The following ASPRV1 variants were observed in gnomAD, a reference collection of about 807,000 sequenced individuals.
ASPRV1 encodes the protein aspartic peptidase retroviral like 1.
In ASPRV1, 7 loss-of-function variants were observed where a neutral mutation model predicts 11.0. That is an observed-to-expected ratio of 0.64 (90% CI 0.36 to 1.20). ASPRV1 has a LOEUF of 1.20. ASPRV1 is among the 50% of genes most tolerant of loss of function. The pLI is 0.02. For missense variants in ASPRV1, 299 were observed against 320.0 expected, an observed-to-expected ratio of 0.93 and a Z score of 0.50; for synonymous variants, 136 against 138.4, an observed-to-expected ratio of 0.98 and a Z score of 0.12.
chr2:69,952,371 T>C, the ASPRV1 span, among the ~76,000 whole-genome samples: 1 of 152,004 alleles, frequency 6.6e-6, no homozygotes, highest in Non-Finnish European at 1.5e-5. Flanking sequence ...TTAGGCATGG[T>C]GGCCCACATC....
chr2:69,998,875 T>C, the ASPRV1 span, among the ~76,000 whole-genome samples: 1 of 152,112 alleles, frequency 6.6e-6, no homozygotes, highest in Non-Finnish European at 1.5e-5. Context: ...CGGGCATGAC[T>C]GACAGGAAAC....
At chr2:70,040,604 G>A in the ASPRV1 span, among the ~76,000 whole-genome samples, 3 of 152,146 alleles carry the variant, frequency 2.0e-5, no homozygotes, top group Non-Finnish European at 4.4e-5. Flanking sequence ...GGGAGGCCGA[G>A]GCAGGTGGAT....
At chr2:69,945,989 A>G in the ASPRV1 span, among the ~76,000 whole-genome samples, 2 of 143,346 alleles carry the variant, frequency 1.4e-5, no homozygotes, top group Non-Finnish European at 1.6e-5. Context: ...GGAGGGCCTT[A>G]GGGATAGGGG....
At chr2:70,065,348 G>C in the ASPRV1 span, among the ~76,000 whole-genome samples, 1 of 124,540 alleles carries the variant, frequency 8.0e-6, no homozygotes, top group Non-Finnish European at 1.6e-5. Context: ...CCGAGATGGC[G>C]CTACTACACT....
chr2:70,043,905 T>C, the ASPRV1 span, among the ~76,000 whole-genome samples: 35 of 152,284 alleles, frequency 2.3e-4, no homozygotes, highest in Middle Eastern at 6.8e-3. Flanking sequence ...TTTGGGGTCA[T>C]GGGCCTCCAT....
the ASPRV1 span, chr2:70,049,219 T>C: frequency 3.2e-5 from 4 of 125,006 alleles, no homozygotes; most frequent in Non-Finnish European, 4.8e-5. Flanking sequence ...ATCACTTTCA[T>C]AGGTTCTGGG....
Position 69,961,438 on chromosome 2 carries a change from C to T in ASPRV1, c.-2G>A, listed in dbSNP as rs1250047530. 6.2e-7 allele frequency: 1 copy of T among 1,614,006 alleles called. No homozygotes were observed. The highest frequency in any genetic ancestry group is 1.3e-5 in the African/African-American group (1 of 74,948). On this transcript the variant is annotated 5_prime_UTR_variant, in exon 1 of 1. Coordinates refer to ENST00000320256, the MANE Select transcript of ASPRV1 (RefSeq NM_152792.4). ...ACTCCTGGCTCCGCTCCCGGCCATC[C>T]TGCTGCTCTCCTCTGGAACCTCAGC...
the ASPRV1 span, chr2:70,056,382 G>C: frequency 6.6e-6 from 1 of 151,986 alleles, no homozygotes; most frequent in Non-Finnish European, 1.5e-5. Flanking sequence ...GAGGCGGGCG[G>C]ATCACGAGGT....
chr2:69,936,136 G>A, the ASPRV1 span, among the ~76,000 whole-genome samples: 3 of 151,888 alleles, frequency 2.0e-5, no homozygotes, highest in Non-Finnish European at 1.5e-5. Context: ...TCACCTAGAG[G>A]ACTTCTACTT....
At chr2:69,980,601 C>A in the ASPRV1 span, among the ~76,000 whole-genome samples, 1 of 152,020 alleles carries the variant, frequency 6.6e-6, no homozygotes, top group African/African-American at 2.4e-5. Context: ...TGATGAAATC[C>A]CAAAATATCT....
chr2:70,025,053 A>G, the ASPRV1 span, among the ~76,000 whole-genome samples: 3 of 152,192 alleles, frequency 2.0e-5, no homozygotes, highest in African/African-American at 7.2e-5. Context: ...CAAATTTGTC[A>G]ATGTGATTGG....
chr2:70,067,601 C>G, the ASPRV1 span, among the ~76,000 whole-genome samples: 1 of 152,172 alleles, frequency 6.6e-6, no homozygotes. Flanking sequence ...ACTGTCAAAG[C>G]ATGTTATTAA....
the ASPRV1 span, among the ~76,000 whole-genome samples, chr2:70,058,335 C>T: frequency 6.6e-6 from 1 of 152,016 alleles, no homozygotes; most frequent in Non-Finnish European, 1.5e-5. Context: ...CTTCACCTCC[C>T]GGGTTCATGC....
At chr2:70,043,704 T>C in the ASPRV1 span, among the ~76,000 whole-genome samples, 2 of 152,256 alleles carry the variant, frequency 1.3e-5, no homozygotes, top group African/African-American at 2.4e-5. Context: ...CGCCACCATT[T>C]TGCATCATTT....
the ASPRV1 span, among the ~76,000 whole-genome samples, chr2:70,082,256 T>C: frequency 2.0e-5 from 3 of 151,616 alleles, no homozygotes; most frequent in Non-Finnish European, 2.9e-5. Context: ...TCCACAGTAC[T>C]TGGCCAGTAC....
At chr2:69,949,254 C>A in the ASPRV1 span, among the ~76,000 whole-genome samples, 3 of 150,570 alleles carry the variant, frequency 2.0e-5, no homozygotes, top group African/African-American at 7.4e-5. Flanking sequence ...GATGGATGGG[C>A]GAATGAATGA....
chr2:69,936,417 C>T, the ASPRV1 span, among the ~76,000 whole-genome samples: 6 of 152,168 alleles, frequency 3.9e-5, no homozygotes, highest in Admixed American at 3.3e-4. Flanking sequence ...ACTCTCTTTG[C>T]TACCTGAATA....
the ASPRV1 span, among the ~76,000 whole-genome samples, chr2:69,999,959 G>C: frequency 6.6e-6 from 1 of 151,962 alleles, no homozygotes; most frequent in Non-Finnish European, 1.5e-5. Flanking sequence ...AGTTGGCCCC[G>C]CTCGCCTCCT....
the ASPRV1 span, among the ~76,000 whole-genome samples, chr2:70,067,036 AATT>A: frequency 2.0e-5 from 3 of 152,218 alleles, no homozygotes; most frequent in Non-Finnish European, 2.9e-5. Context: ...TTCACATAGC[AATT>A]AGTAGGTACC....
Sources: gnomAD v4.1 joint callset for allele counts (sites outside exome capture counted in the v4.1 genomes callset) on GRCh38, gnomAD v4.1.1 for gene constraint, MANE v1.5 for transcripts, NCBI Gene and HGNC (gene_info 2026-07-23, HGNC 2026-07-21) for gene names.